Variants in DNM2 observed in about 807,000 individuals in gnomAD.
The protein encoded by DNM2 is dynamin-2.
In DNM2, 15 loss-of-function variants were observed where a neutral mutation model predicts 99.0. The observed-to-expected ratio is 0.15, with a 90% CI of 0.10 to 0.23. The LOEUF (loss-of-function observed/expected upper bound fraction) is 0.23, where lower values mean the gene tolerates loss of function less well. Among genes scored for constraint, DNM2 ranks in the 10% least tolerant of loss-of-function variants. The pLI is 1.00. For missense variants in DNM2, 742 were observed against 1,189.4 expected (o/e 0.62, Z 5.53); for synonymous variants, 525 against 481.2 (o/e 1.09, Z -1.19).
chr19:10,823,683 G>T, intron 16 of DNM2, 105 bp from the exon 17 acceptor site: 3 of 1,167,180 alleles, frequency 2.6e-6, no homozygotes, highest in Non-Finnish European at 3.8e-6. Context: ...GTTGGGTTTG[G>T]GTTCCTGATC....
In DNM2 at chr19:10,765,177, C is replaced by T. The variant is rs1170237801; in HGVS notation, c.235+5366C>T. 6.6e-6 allele frequency among the ~76,000 whole-genome samples: 1 copy of T among 152,090 alleles called. No individual in the cohort carries two copies. The highest frequency in any genetic ancestry group is 1.5e-5 in the Non-Finnish European group (1 of 68,022). On this transcript the variant is annotated intron_variant, in intron 2 of 20. Transcript: ENST00000389253. This position sits in a 1 kb window ranked among gnomAD's most constrained non-coding sequence, Gnocchi z 4.4. ...GTTTCACCGTGTTAGCCAGGATGGT[C>T]TCGATCTCCTGACCTCGTGATCCGC...
intron 5 of DNM2, 128 bp downstream of exon 5, chr19:10,777,344 C>A: frequency 3.4e-6 from 3 of 884,876 alleles, no homozygotes; most frequent in South Asian, 1.5e-5. Flanking sequence ...CTCCTTCTTT[C>A]TTTTCCCTTT....
At chr19:10,808,531 C>G in intron 13 of DNM2, 38 bp from the exon 14 acceptor site, 1 of 1,609,616 alleles carries the variant, frequency 6.2e-7, no homozygotes, top group South Asian at 1.1e-5. Context: ...CCTGCTCTTC[C>G]CTGATTTACC....
chr19:10,775,965 C>T lies in DNM2; in HGVS notation c.589+59C>T, dbSNP rs2071138797. The T allele has an allele frequency of 6.3e-7, 1 of 1,586,262 alleles. No homozygotes were observed. Reference sequence around the variant, plus strand: ...GGTGCCTCTGAGCATGGGATGTGCCCAGCATCCTTGGTTCCAAGTCACTGG... The same window carrying T: ...GGTGCCTCTGAGCATGGGATGTGCCTAGCATCCTTGGTTCCAAGTCACTGG... On this transcript the variant is annotated intron_variant, in intron 4 of 20. Coordinates refer to ENST00000389253, the MANE Select transcript of DNM2 (RefSeq NM_001005361.3). The surrounding 1 kb of genome is among the most constrained non-coding windows in gnomAD (Gnocchi z 4.3).
intron 1 of DNM2, among the ~76,000 whole-genome samples, chr19:10,725,243 T>G (rs1462595940): frequency 6.6e-6 from 1 of 152,094 alleles, no homozygotes; most frequent in Non-Finnish European, 1.5e-5. Context: ...GTTGGGAGTT[T>G]GAGACCAGCC....
intron 1 of DNM2, among the ~76,000 whole-genome samples, chr19:10,733,828 G>A (rs997428123): frequency 8.6e-5 from 13 of 151,092 alleles, no homozygotes; most frequent in African/African-American, 2.9e-4. Flanking sequence ...CCAACATAGC[G>A]AAACCCCATC....
chr19:10,729,838 G>A (rs993430935), intron 1 of DNM2, among the ~76,000 whole-genome samples: 3 of 151,930 alleles, frequency 2.0e-5, no homozygotes, highest in African/African-American at 7.3e-5. Flanking sequence ...GGTACCTATA[G>A]AGAATACGTG....
chr19:10,823,738 G>T, intron 16 of DNM2, 50 bp from the exon 17 acceptor site: 1 of 1,577,606 alleles, frequency 6.3e-7, no homozygotes, highest in Non-Finnish European at 8.7e-7. Context: ...CAGTCTGCCA[G>T]ACCCATGGCA....
At chr19:10,789,980 G>C (rs774540686) in intron 7 of DNM2, among the ~76,000 whole-genome samples, 9 of 152,200 alleles carry the variant, frequency 5.9e-5, no homozygotes, top group Non-Finnish European at 1.3e-4. Flanking sequence ...CAGTTGCCTT[G>C]CAGGGCCCTC....
At position 10,831,796 on chromosome 19, in the gene DNM2, CCTCT is replaced by C. The variant is rs1160759313; in HGVS notation, c.*754_*757del. 11 of 987,130 alleles carry C rather than the reference CCTCT, an allele frequency of 1.1e-5. No homozygotes were observed. The highest frequency in any genetic ancestry group is 6.1e-5 in the Admixed American group (1 of 16,370). 61.1% of individuals were successfully genotyped at this position (987,130 alleles called of 1,614,324 possible). A position where few individuals can be genotyped will look rare whatever the true frequency, so the allele number is the denominator to read the frequency against. On this transcript the variant is annotated 3_prime_UTR_variant, in exon 21 of 21. Coordinates refer to ENST00000389253, the MANE Select transcript of DNM2 (RefSeq NM_001005361.3). The surrounding 1 kb of genome is among the most constrained non-coding windows in gnomAD (Gnocchi z 4.3). ...TCCCTGATGGGTGGGCCCAGGGCGGCCTCTCTCTGAGGAGACCTCACCCACTCCT... is the reference window on the plus strand; with the variant it reads ...TCCCTGATGGGTGGGCCCAGGGCGGCCTCTGAGGAGACCTCACCCACTCCT...
intron 1 of DNM2, among the ~76,000 whole-genome samples, chr19:10,739,024 G>A (rs138922389): frequency 3.3e-5 from 5 of 151,992 alleles, no homozygotes; most frequent in East Asian, 1.9e-4. Flanking sequence ...AAAGATTAGC[G>A]GGGCGTGGTA....
chr19:10,731,758 ATCTC>A (rs1375366406), intron 1 of DNM2, among the ~76,000 whole-genome samples: 1 of 152,226 alleles, frequency 6.6e-6, no homozygotes, highest in Non-Finnish European at 1.5e-5. Flanking sequence ...GGGTTGATGT[ATCTC>A]TCTGTCTTGC....
At position 10,830,423 on chromosome 19, in the gene DNM2, G is replaced by A; in HGVS notation, c.2543+45G>A. 2 of 1,594,528 alleles carry A rather than the reference G, an allele frequency of 1.3e-6. No individual in the cohort carries two copies. Among genetic ancestry groups the A allele is most frequent in the Non-Finnish European group, 1.7e-6 (2 of 1,173,648 alleles). On this transcript the variant is annotated intron_variant, in intron 20 of 20. Coordinates refer to ENST00000389253, the MANE Select transcript of DNM2 (RefSeq NM_001005361.3). This position sits in a 1 kb window ranked among gnomAD's most constrained non-coding sequence, Gnocchi z 4.8. Reference sequence around the variant, plus strand: ...CTCCACCCCAACTGCCTGCACCCTGGGGTCTCTCCTCCTGTCTCACTTCCT... The same window carrying A: ...CTCCACCCCAACTGCCTGCACCCTGAGGTCTCTCCTCCTGTCTCACTTCCT...
At position 10,795,930 on chromosome 19, in the gene DNM2, A is replaced by G. The variant is rs1457562120; in HGVS notation, c.1196+491A>G. 3.7e-5 allele frequency: 55 copies of G among 1,486,284 alleles called. 2 individuals carry two copies. The South Asian group carries it at 5.6e-4, about 15-fold the overall frequency. 92.1% of individuals were successfully genotyped at this position (1,486,284 alleles called of 1,614,324 possible). A position where few individuals can be genotyped will look rare whatever the true frequency, so the allele number is the denominator to read the frequency against. ...CTGAGGGTTTCCGGGCAGTGGACTC[A>G]GGCATCCGACCCCACACATGACACA... On this transcript the variant is annotated intron_variant, in intron 9 of 20. Transcript: ENST00000389253. The surrounding 1 kb of genome is among the most constrained non-coding windows in gnomAD (Gnocchi z 4.2).
intron 1 of DNM2, among the ~76,000 whole-genome samples, chr19:10,731,788 G>A (rs78302485): frequency 1.5e-3 from 227 of 152,348 alleles, no homozygotes; most frequent in African/African-American, 5.0e-3. Flanking sequence ...TGAGTTCCCC[G>A]TTGTCTGGGC....
chr19:10,772,627 C>T lies in DNM2; in HGVS notation c.384C>T (p.His128=), dbSNP rs201089328. Residue 128 remains histidine, a splice_region_variant and synonymous_variant, in exon 3 of 21, where the codon CAC becomes CAT. Transcript: ENST00000389253. The surrounding 1 kb of genome is among the most constrained non-coding windows in gnomAD (Gnocchi z 4.9). ...TCAACCTTCGAGTCTACTCGCCACA[C>T]GGTAGGCAGCACGGGTGGGGACCCA... ...VPINLRVYSP[H]VLNLTLIDLP... The T allele has an allele frequency of 7.3e-5, 118 of 1,614,076 alleles. No homozygotes were observed. The East Asian group carries it at 1.2e-3, about 17-fold the overall frequency.
At chr19:10,735,019 G>C (rs866880341) in intron 1 of DNM2, among the ~76,000 whole-genome samples, 96 of 151,688 alleles carry the variant, frequency 6.3e-4, no homozygotes, top group African/African-American at 2.2e-3. Flanking sequence ...CCTCTCTTCT[G>C]TGAATCTTTT....
chr19:10,806,037 C>A, intron 13 of DNM2, 70 bp downstream of exon 13: 1 of 1,600,874 alleles, frequency 6.2e-7, no homozygotes, highest in East Asian at 2.2e-5. Flanking sequence ...AGCTAAGCCC[C>A]CGTGATGGAG....
At chr19:10,807,263 A>G (rs912593407) in intron 13 of DNM2, among the ~76,000 whole-genome samples, 5 of 151,428 alleles carry the variant, frequency 3.3e-5, no homozygotes, top group Admixed American at 2.6e-4. Flanking sequence ...TTTTCTTGAG[A>G]TGGAGCCTTG....
Sources: allele counts gnomAD v4.1 joint callset (sites outside exome capture counted in the v4.1 genomes callset), GRCh38; gene constraint gnomAD v4.1.1; non-coding constraint Gnocchi (gnomAD v3.1); transcripts MANE v1.5; gene names NCBI Gene and HGNC (gene_info 2026-07-23, HGNC 2026-07-21).